The following SEMA3C variants were observed in gnomAD, a reference collection of about 807,000 sequenced individuals.
SEMA3C encodes semaphorin 3C, also known as semaphorin-3C.
A neutral mutation model predicts 89.4 loss-of-function variants in SEMA3C; 47 were observed. The ratio of observed to expected loss-of-function variants is 0.53; its 90% CI spans 0.42 to 0.67. SEMA3C has a LOEUF of 0.67. SEMA3C is among the 30% of genes least tolerant of loss of function. SEMA3C has a pLI of 0.00. For missense variants in SEMA3C, 839 were observed against 929.1 expected (o/e 0.90, Z 1.26); for synonymous variants, 310 against 320.2 (o/e 0.97, Z 0.34).
intron 16 of SEMA3C, among the ~76,000 whole-genome samples, chr7:80,750,104 C>T (rs1787890153): frequency 6.6e-6 from 1 of 151,894 alleles, no homozygotes; most frequent in South Asian, 2.1e-4. Context: ...AAAGCACAGA[C>T]TCAAAAGGAT....
intron 11 of SEMA3C, among the ~76,000 whole-genome samples, chr7:80,794,872 A>T (rs2115620794): frequency 6.6e-6 from 1 of 152,320 alleles, no homozygotes; most frequent in South Asian, 2.1e-4. Context: ...ATAATGACAC[A>T]ATTGGCAGGC....
intron 2 of SEMA3C, among the ~76,000 whole-genome samples, chr7:80,842,358 T>A (rs564848367): frequency 6.6e-6 from 1 of 152,284 alleles, no homozygotes; most frequent in African/African-American, 2.4e-5. Flanking sequence ...AAGAGATCAG[T>A]GTTGCACTTT....
intron 11 of SEMA3C, among the ~76,000 whole-genome samples, chr7:80,797,767 AG>A: frequency 6.6e-6 from 1 of 152,282 alleles, no homozygotes; most frequent in Non-Finnish European, 1.5e-5. Context: ...TGGGAGGCCA[AG>A]GCGGGCGGAT....
chr7:80,764,241 T>G (rs1352007157), intron 13 of SEMA3C, among the ~76,000 whole-genome samples: 2 of 152,210 alleles, frequency 1.3e-5, no homozygotes, highest in Non-Finnish European at 2.9e-5. Context: ...GTGCTACTTT[T>G]ACTCAGTCAT....
intron 2 of SEMA3C, chr7:80,905,950 G>C (rs1002092647): frequency 8.2e-7 from 1 of 1,223,364 alleles, no homozygotes; most frequent in Admixed American, 2.4e-5. Flanking sequence ...ATGTAATTTT[G>C]TTTTGTTTTT....
chr7:80,821,540 C>T (rs1273890828), intron 4 of SEMA3C, among the ~76,000 whole-genome samples: 1 of 152,218 alleles, frequency 6.6e-6, no homozygotes. Context: ...CTGCCTCAGC[C>T]TCCCGAGTAG....
At chr7:80,808,829 T>C (rs1322014153) in intron 6 of SEMA3C, among the ~76,000 whole-genome samples, 1 of 152,102 alleles carries the variant, frequency 6.6e-6, no homozygotes, top group Non-Finnish European at 1.5e-5. Context: ...GGCTGGAGTG[T>C]AATGTCGTGA....
intron 10 of SEMA3C, among the ~76,000 whole-genome samples, chr7:80,798,498 C>T (rs1297101741): frequency 1.3e-5 from 2 of 152,042 alleles, no homozygotes; most frequent in Non-Finnish European, 2.9e-5. Context: ...TACAGGACAA[C>T]TCAAAAAAGT....
intron 8 of SEMA3C, among the ~76,000 whole-genome samples, chr7:80,803,761 G>A (rs1481306895): frequency 6.6e-6 from 1 of 151,872 alleles, no homozygotes; most frequent in Non-Finnish European, 1.5e-5. Context: ...TTTAGCTATT[G>A]GTTTGAATAC....
intron 2 of SEMA3C, among the ~76,000 whole-genome samples, chr7:80,873,689 G>C (rs1033961557): frequency 1.5e-4 from 23 of 152,164 alleles, no homozygotes; most frequent in African/African-American, 5.3e-4. Context: ...CTTGTCGTAT[G>C]CATCAGACCT....
rs1554387804 is a variant in SEMA3C at position 80,881,209 on chromosome 7, A to ACACACACT, written c.103+35469_103+35470insAGTGTGTG. Among the ~76,000 whole-genome samples, 3 of 136,930 alleles carry ACACACACT rather than the reference A, an allele frequency of 2.2e-5. No individual in the cohort carries two copies. In the Admixed American group the frequency reaches 2.2e-4, roughly 10 times the overall value. 89.8% of individuals were successfully genotyped at this position (136,930 alleles called of 152,430 possible). A position where few individuals can be genotyped will look rare whatever the true frequency, so the allele number is the denominator to read the frequency against. On this transcript the variant is annotated intron_variant, in intron 2 of 17. Coordinates refer to ENST00000265361, the MANE Select transcript of SEMA3C (RefSeq NM_006379.5). Reference sequence around the variant, plus strand: ...CACACACACACACACACACACACACACTCTCTCTCATGTAAAGTTTTTCAA... The same window carrying ACACACACT: ...CACACACACACACACACACACACACACACACACTCTCTCTCTCATGTAAAGTTTTTCAA...
chr7:80,840,845 G>A (rs533720463), intron 2 of SEMA3C, among the ~76,000 whole-genome samples: 1 of 152,220 alleles, frequency 6.6e-6, no homozygotes, highest in Non-Finnish European at 1.5e-5. Context: ...ATAGTAAAAG[G>A]GAGGGTAAGT....
chr7:80,900,685 ATTGTTTCCAT>A (rs1791857164), intron 2 of SEMA3C, among the ~76,000 whole-genome samples: 1 of 152,148 alleles, frequency 6.6e-6, no homozygotes, highest in Non-Finnish European at 1.5e-5. Flanking sequence ...AAGGGAATCA[ATTGTTTCCAT>A]TTTGGTTTGA....
chr7:80,843,342 A>T (rs1379262378), intron 2 of SEMA3C, among the ~76,000 whole-genome samples: 1 of 152,180 alleles, frequency 6.6e-6, no homozygotes, highest in Non-Finnish European at 1.5e-5. Flanking sequence ...ATTAAAGCAC[A>T]AATTAAAAAT....
intron 5 of SEMA3C, among the ~76,000 whole-genome samples, chr7:80,813,312 T>C (rs977858181): frequency 6.6e-6 from 1 of 152,166 alleles, no homozygotes; most frequent in East Asian, 1.9e-4. Context: ...AGATTTGTGA[T>C]CACCAACCAC....
At chr7:80,842,532 G>C (rs1790293588) in intron 2 of SEMA3C, among the ~76,000 whole-genome samples, 1 of 152,040 alleles carries the variant, frequency 6.6e-6, no homozygotes, top group South Asian at 2.1e-4. Context: ...AAATCTTTTG[G>C]TGGAAATAAG....
intron 2 of SEMA3C, among the ~76,000 whole-genome samples, chr7:80,874,306 C>G: frequency 6.6e-6 from 1 of 152,240 alleles, no homozygotes; most frequent in South Asian, 2.1e-4. Context: ...ATGGTCTAGG[C>G]TTTCAAAGTC....
chr7:80,812,244 T>G (rs1234844316), intron 5 of SEMA3C, among the ~76,000 whole-genome samples: 1 of 152,194 alleles, frequency 6.6e-6, no homozygotes, highest in South Asian at 2.1e-4. Flanking sequence ...AGAATCACAG[T>G]CCTCCAGCCT....
intron 15 of SEMA3C, among the ~76,000 whole-genome samples, chr7:80,752,976 A>G (rs1249003845): frequency 6.6e-6 from 1 of 152,234 alleles, no homozygotes; most frequent in African/African-American, 2.4e-5. Flanking sequence ...AAAAGCACAC[A>G]GTAGATATTA....
Sources: gnomAD v4.1 joint callset for allele counts (sites outside exome capture counted in the v4.1 genomes callset) on GRCh38, gnomAD v4.1.1 for gene constraint, MANE v1.5 for transcripts, NCBI Gene and HGNC (gene_info 2026-07-23, HGNC 2026-07-21) for gene names.